EXOC2: variants seen among roughly 807,000 people sequenced by gnomAD.
EXOC2 encodes SEC5-like 1.
In EXOC2, 70 loss-of-function variants were observed where a neutral mutation model predicts 131.8. The ratio of observed to expected loss-of-function variants is 0.53; its 90% CI spans 0.44 to 0.65. EXOC2 has a LOEUF of 0.65. EXOC2 is among the 30% of genes least tolerant of loss of function. EXOC2 has a pLI of 0.00. For missense variants in EXOC2, 923 were observed against 1,108.6 expected, an observed-to-expected ratio of 0.83 and a Z score of 2.38; for synonymous variants, 411 against 398.4, an observed-to-expected ratio of 1.03 and a Z score of -0.38.
chr6:576,851 A>T lies in EXOC2; in HGVS notation c.1224T>A (p.Asp408Glu). 6.2e-7 allele frequency: 1 copy of T among 1,614,124 alleles called. No individual in the cohort carries two copies. The highest frequency in any genetic ancestry group is 8.5e-7 in the Non-Finnish European group (1 of 1,180,016). Residue 408 changes from aspartate to glutamate, a missense_variant, in exon 12 of 28, where the codon GAT becomes GAA. Coordinates refer to ENST00000230449, the MANE Select transcript of EXOC2 (RefSeq NM_018303.6). ...GNPGLHSPML[D>E]LDNDTRPSVL... Reference sequence around the variant, plus strand: ...CTGAGGGACGTGTATCATTATCAAGATCCAACATGGGACTGTGCAGGCCTG... The same window carrying T: ...CTGAGGGACGTGTATCATTATCAAGTTCCAACATGGGACTGTGCAGGCCTG...
At chr6:662,671 T>C (rs1293187546) in intron 1 of EXOC2, among the ~76,000 whole-genome samples, 1 of 152,016 alleles carries the variant, frequency 6.6e-6, no homozygotes, top group African/African-American at 2.4e-5. Flanking sequence ...ATGAGGAAAG[T>C]TCATAGCCCC....
intron 1 of EXOC2, among the ~76,000 whole-genome samples, chr6:661,465 G>A (rs1255378529): frequency 6.6e-6 from 1 of 152,162 alleles, no homozygotes; most frequent in Non-Finnish European, 1.5e-5. Context: ...AACCCTATAA[G>A]CTAGAAGGGG....
At chr6:654,606 C>T (rs762103764) in intron 1 of EXOC2, among the ~76,000 whole-genome samples, 1 of 151,082 alleles carries the variant, frequency 6.6e-6, no homozygotes, top group African/African-American at 2.4e-5. Flanking sequence ...TCAAAACCAG[C>T]CTGGTCAACA....
At chr6:592,973 T>C (rs199563412) in intron 10 of EXOC2, among the ~76,000 whole-genome samples, 3 of 152,274 alleles carry the variant, frequency 2.0e-5, no homozygotes, top group East Asian at 3.9e-4. Flanking sequence ...GAGGTTGCAA[T>C]GAGCTGAGAT....
chr6:680,032 T>A lies in EXOC2; in HGVS notation c.-44+12987A>T, dbSNP rs376228832. ...CTATACTCCGGATGACTATTTTTTTTTTTATTTATTATGGAAATCTTAAAC... is the reference window on the plus strand; with the variant it reads ...CTATACTCCGGATGACTATTTTTTTATTTATTTATTATGGAAATCTTAAAC... On this transcript the variant is annotated intron_variant, in intron 1 of 27. Transcript: ENST00000230449. Among the ~76,000 whole-genome samples the A allele has an allele frequency of 9.6e-3, 1,464 of 152,100 alleles. 15 individuals are homozygous for A. The highest frequency in any genetic ancestry group is 0.033 in the African/African-American group (1,362 of 41,482).
At chr6:573,228 A>G (rs1342139193) in intron 12 of EXOC2, among the ~76,000 whole-genome samples, 1 of 152,256 alleles carries the variant, frequency 6.6e-6, no homozygotes, top group Non-Finnish European at 1.5e-5. Flanking sequence ...TTGGCTATAC[A>G]TCATTTAACA....
At chr6:581,927 T>C (rs1177788438) in intron 11 of EXOC2, among the ~76,000 whole-genome samples, 1 of 152,016 alleles carries the variant, frequency 6.6e-6, no homozygotes, top group African/African-American at 2.4e-5. Context: ...TAAACAAACA[T>C]AAAATTAGAA....
At chr6:687,316 G>T (rs572475150) in intron 1 of EXOC2, among the ~76,000 whole-genome samples, 30 of 151,056 alleles carry the variant, frequency 2.0e-4, no homozygotes, top group African/African-American at 7.0e-4. Context: ...GAGTAACTGG[G>T]ACCACAGACA....
intron 1 of EXOC2, among the ~76,000 whole-genome samples, chr6:685,222 A>G (rs1025503879): frequency 1.3e-5 from 2 of 152,072 alleles, no homozygotes; most frequent in African/African-American, 4.8e-5. Flanking sequence ...CAGGGAACAA[A>G]TCAAGCAGAA....
At position 650,350 on chromosome 6, in the gene EXOC2, CTT is replaced by C. The variant is rs566045579; in HGVS notation, c.-43-12491_-43-12490del. ...ATCAGCTCTAAGGCATCTCTGAGCT[CTT>C]GTTCCTAGGAGAGTCCTTTACAAAG... On this transcript the variant is annotated intron_variant, in intron 1 of 27. Coordinates refer to ENST00000230449, the MANE Select transcript of EXOC2 (RefSeq NM_018303.6). Among the ~76,000 whole-genome samples the C allele has an allele frequency of 3.9e-5, 6 of 152,346 alleles. No individual in the cohort carries two copies. The South Asian group carries it at 1.2e-3, about 32-fold the overall frequency.
chr6:537,548 C>G (rs1178385711), intron 22 of EXOC2, among the ~76,000 whole-genome samples: 1 of 152,232 alleles, frequency 6.6e-6, no homozygotes, highest in Admixed American at 6.5e-5. Flanking sequence ...TGGAAAACTA[C>G]TCAGAGTTCC....
At chr6:507,294 TACACACAC>T (rs70982901) in intron 23 of EXOC2, among the ~76,000 whole-genome samples, 21 of 71,668 alleles carry the variant, frequency 2.9e-4, no homozygotes, top group African/African-American at 8.7e-4. Flanking sequence ...CAGCAGTGAC[TACACACAC>T]ACACACACAC....
intron 17 of EXOC2, among the ~76,000 whole-genome samples, chr6:559,085 G>A (rs1757572055): frequency 6.6e-6 from 1 of 152,166 alleles, no homozygotes; most frequent in Admixed American, 6.5e-5. Flanking sequence ...CAATTTAGAT[G>A]ACTGTCAAAA....
chr6:577,474 A>T (rs2127601382), intron 11 of EXOC2, among the ~76,000 whole-genome samples: 1 of 152,344 alleles, frequency 6.6e-6, no homozygotes, highest in Non-Finnish European at 1.5e-5. Context: ...GTCTTCCAGA[A>T]AACCGGCAGG....
chr6:556,571 G>A lies in EXOC2; in HGVS notation c.1852-7C>T. On this transcript the variant is annotated splice_polypyrimidine_tract_variant and splice_region_variant and intron_variant, in intron 17 of 27. Transcript: ENST00000230449. ...ACTGTTCAAACTGACATGGCTGAAG[G>A]GAAAACAGCATATTGTAAAACTCAA... The A allele has an allele frequency of 6.2e-7, 1 of 1,613,994 alleles. No homozygotes were observed. The highest frequency in any genetic ancestry group is 8.5e-7 in the Non-Finnish European group (1 of 1,179,980).
intron 1 of EXOC2, among the ~76,000 whole-genome samples, chr6:658,665 A>ATATATATTTTATATATATATATATATATT: frequency 8.7e-6 from 1 of 115,540 alleles, no homozygotes; most frequent in South Asian, 2.8e-4. Flanking sequence ...ATATATATAT[A>ATATATATTTTATATATATATATATATATT]TTTTTTTTTT....
chr6:508,264 G>A (rs1451726775), intron 23 of EXOC2, among the ~76,000 whole-genome samples: 2 of 151,406 alleles, frequency 1.3e-5, no homozygotes, highest in South Asian at 2.1e-4. Flanking sequence ...CACCAGAGGG[G>A]TGCATTTGTT....
intron 1 of EXOC2, among the ~76,000 whole-genome samples, chr6:642,713 A>G (rs1332649355): frequency 6.6e-6 from 1 of 152,216 alleles, no homozygotes; most frequent in African/African-American, 2.4e-5. Context: ...AAGAAATGCA[A>G]TGCAAATTCT....
chr6:623,762 A>C (rs927658273), intron 4 of EXOC2, among the ~76,000 whole-genome samples: 3 of 152,220 alleles, frequency 2.0e-5, no homozygotes, highest in Non-Finnish European at 2.9e-5. Context: ...GTTTTTGAAC[A>C]GTGATGTCGG....
Sources: gnomAD v4.1 joint callset for allele counts (sites outside exome capture counted in the v4.1 genomes callset) on GRCh38, gnomAD v4.1.1 for gene constraint, MANE v1.5 for transcripts, NCBI Gene and HGNC (gene_info 2026-07-23, HGNC 2026-07-21) for gene names.